PRDM5: variants seen among roughly 807,000 people sequenced by gnomAD.
PRDM5 encodes the protein PR/SET domain 5.
Under a neutral mutation model 81.2 loss-of-function variants are expected in PRDM5, and 56 were observed. The observed-to-expected ratio is 0.69, with a 90% CI of 0.56 to 0.86. The LOEUF (loss-of-function observed/expected upper bound fraction) is 0.86, where lower values mean the gene tolerates loss of function less well. Among genes scored for constraint, PRDM5 ranks in the 40% least tolerant of loss-of-function variants. The pLI, the probability that PRDM5 is intolerant of heterozygous loss-of-function variation, is 0.00. For synonymous variants in PRDM5, 267 were observed against 256.4 expected (o/e 1.04, Z -0.39); for missense variants, 697 against 770.1 (o/e 0.91, Z 1.12).
At chr4:120,894,764 A>T (rs1046301018) in intron 2 of PRDM5, among the ~76,000 whole-genome samples, 26 of 152,352 alleles carry the variant, frequency 1.7e-4, no homozygotes, top group South Asian at 4.1e-4. Flanking sequence ...AGAGAATGTC[A>T]ATTTCAAGGA....
At chr4:120,910,057 A>C (rs566377904) in intron 1 of PRDM5, among the ~76,000 whole-genome samples, 1 of 103,970 alleles carries the variant, frequency 9.6e-6, no homozygotes, top group East Asian at 2.7e-4. Flanking sequence ...ACTCTGTGTT[A>C]TTTCATATGC....
At chr4:120,768,182 T>G (rs1251738736) in intron 13 of PRDM5, among the ~76,000 whole-genome samples, 3 of 152,240 alleles carry the variant, frequency 2.0e-5, no homozygotes, top group African/African-American at 7.2e-5. Flanking sequence ...TCATCTTTTA[T>G]ACTGGGGGAC....
intron 2 of PRDM5, among the ~76,000 whole-genome samples, chr4:120,893,479 G>A (rs1201220258): frequency 6.6e-6 from 1 of 152,176 alleles, no homozygotes; most frequent in Non-Finnish European, 1.5e-5. Context: ...TGCATCTTTT[G>A]ATGCAGTTGA....
At chr4:120,894,070 T>C (rs1764355543) in intron 2 of PRDM5, among the ~76,000 whole-genome samples, 1 of 152,204 alleles carries the variant, frequency 6.6e-6, no homozygotes, top group Non-Finnish European at 1.5e-5. Context: ...ATGTTACTAT[T>C]TTCTATATGA....
intron 2 of PRDM5, among the ~76,000 whole-genome samples, chr4:120,867,263 G>GA (rs891410509): frequency 1.2e-4 from 18 of 149,498 alleles, no homozygotes; most frequent in East Asian, 3.9e-4. Flanking sequence ...TGTGAGATAA[G>GA]AAAAAAAAAT....
At chr4:120,812,718 GT>G in intron 7 of PRDM5, 1 of 363,214 alleles carries the variant, frequency 2.8e-6, no homozygotes, top group Non-Finnish European at 5.2e-6. Flanking sequence ...CCCATTCTGT[GT>G]AAATGCTTTC....
Position 120,855,988 on chromosome 4 carries a change from G to A in PRDM5, c.178-2448C>T, listed in dbSNP as rs912341920. Among the ~76,000 whole-genome samples the A allele has an allele frequency of 3.9e-5, 6 of 152,236 alleles. No homozygotes were observed. In the East Asian group the frequency reaches 5.8e-4, roughly 15 times the overall value. On this transcript the variant is annotated intron_variant, in intron 2 of 15. Coordinates refer to ENST00000264808, the MANE Select transcript of PRDM5 (RefSeq NM_018699.4). ...TCTGGAATTCTTTCTTCAAAGATAC[G>A]AAACAGAAGAAATATTTCTCTGTGA...
intron 3 of PRDM5, chr4:120,839,256 C>A (rs778219080): frequency 1.4e-6 from 1 of 703,080 alleles, no homozygotes; most frequent in Non-Finnish European, 2.6e-6. Context: ...CGCCATTCGG[C>A]GGGTCCCAAA....
At position 120,861,132 on chromosome 4, in the gene PRDM5, C is replaced by A. The variant is rs548623092; in HGVS notation, c.178-7592G>T. Among the ~76,000 whole-genome samples the A allele has an allele frequency of 2.0e-5, 3 of 152,174 alleles. No homozygotes were observed. The South Asian group carries it at 6.2e-4, about 32-fold the overall frequency. ...AAGCAATTCTCCAGCCTCAGCCTCCCGAGTAGCTGGGATTACAGATGTGTA... is the reference window on the plus strand; with the variant it reads ...AAGCAATTCTCCAGCCTCAGCCTCCAGAGTAGCTGGGATTACAGATGTGTA... On this transcript the variant is annotated intron_variant, in intron 2 of 15. Coordinates refer to ENST00000264808, the MANE Select transcript of PRDM5 (RefSeq NM_018699.4).
chr4:120,918,882 A>G (rs189354273), intron 1 of PRDM5, among the ~76,000 whole-genome samples: 5 of 152,298 alleles, frequency 3.3e-5, no homozygotes, highest in African/African-American at 9.6e-5. Context: ...GCAAAAAATT[A>G]CAAGATATAA....
chr4:120,770,314 C>A (rs1747081529), intron 13 of PRDM5, among the ~76,000 whole-genome samples: 1 of 152,118 alleles, frequency 6.6e-6, no homozygotes, highest in Non-Finnish European at 1.5e-5. Flanking sequence ...CAGGCGTGAG[C>A]CACCGCACCC....
intron 2 of PRDM5, among the ~76,000 whole-genome samples, chr4:120,863,203 C>T (rs1483489844): frequency 7.3e-6 from 1 of 137,702 alleles, no homozygotes; most frequent in African/African-American, 2.8e-5. Flanking sequence ...CACACACACA[C>T]ACACACACAC....
At chr4:120,775,988 AT>A (rs1352083891) in intron 13 of PRDM5, among the ~76,000 whole-genome samples, 1 of 152,116 alleles carries the variant, frequency 6.6e-6, no homozygotes, top group African/African-American at 2.4e-5. Flanking sequence ...CGTTGGCACA[AT>A]TTTAAGTACA....
chr4:120,734,882 AG>A (rs1245702290), intron 14 of PRDM5, among the ~76,000 whole-genome samples: 3 of 152,104 alleles, frequency 2.0e-5, no homozygotes, highest in Non-Finnish European at 4.4e-5. Flanking sequence ...GGATACTTTC[AG>A]CGTGGTCTTT....
At chr4:120,684,365 C>T (rs1426801661), downstream of PRDM5, among the ~76,000 whole-genome samples, 1 of 151,962 alleles carries the variant, frequency 6.6e-6, no homozygotes, top group East Asian at 1.9e-4. Context: ...GAAAGAAGGT[C>T]ATATTTGGAC....
chr4:120,717,062 GAAA>G (rs5861486), intron 14 of PRDM5, among the ~76,000 whole-genome samples: 1 of 137,656 alleles, frequency 7.3e-6, no homozygotes, highest in Non-Finnish European at 1.6e-5. Flanking sequence ...TGAACATTGT[GAAA>G]AAAAAAAAAA....
chr4:120,719,642 A>T (rs2149052603), intron 14 of PRDM5, among the ~76,000 whole-genome samples: 1 of 152,336 alleles, frequency 6.6e-6, no homozygotes, highest in Admixed American at 6.5e-5. Flanking sequence ...ACCTTGAATT[A>T]GATATAATTT....
chr4:120,852,164 AG>A (rs1286049129), intron 3 of PRDM5, among the ~76,000 whole-genome samples: 1 of 152,118 alleles, frequency 6.6e-6, no homozygotes, highest in Non-Finnish European at 1.5e-5. Context: ...TTCAACTCAT[AG>A]TTTGTATCAA....
chr4:120,754,450 T>C, intron 14 of PRDM5, 103 bp downstream of exon 14: 1 of 731,240 alleles, frequency 1.4e-6, no homozygotes, highest in Non-Finnish European at 2.3e-6. Flanking sequence ...ATATACAACT[T>C]CCAGTGTATT....
Sources: allele counts gnomAD v4.1 joint callset (sites outside exome capture counted in the v4.1 genomes callset), GRCh38; gene constraint gnomAD v4.1.1; transcripts MANE v1.5; gene names NCBI Gene and HGNC (gene_info 2026-07-23, HGNC 2026-07-21).